The following PKIB variants were observed in gnomAD, a reference collection of about 807,000 sequenced individuals.
PKIB encodes PKI-beta.
PKIB carries 2 observed loss-of-function variants against 4.5 expected under a neutral mutation model. That is an observed-to-expected ratio of 0.44 (90% CI 0.18 to 1.39). PKIB has a LOEUF of 1.39. Among genes scored for constraint, PKIB ranks in the 40% most tolerant of loss-of-function variants. PKIB has a pLI of 0.27. For synonymous variants in PKIB, 38 were observed against 36.0 expected (o/e 1.06, Z -0.20); for missense variants, 94 against 92.6 (o/e 1.02, Z -0.06).
intron 2 of PKIB, among the ~76,000 whole-genome samples, chr6:122,548,597 G>A (rs1003544659): frequency 1.3e-5 from 2 of 152,162 alleles, no homozygotes; most frequent in African/African-American, 4.8e-5. Flanking sequence ...ATACAAAATA[G>A]AGTTAAGCAT....
intron 3 of PKIB, among the ~76,000 whole-genome samples, chr6:122,688,484 A>G (rs1292167559): frequency 6.8e-6 from 1 of 146,246 alleles, no homozygotes; most frequent in Non-Finnish European, 1.5e-5. Context: ...ATTTGACAGT[A>G]TTCTTTTCTT....
At chr6:122,676,332 T>TG (rs1484676531) in intron 3 of PKIB, among the ~76,000 whole-genome samples, 1 of 152,110 alleles carries the variant, frequency 6.6e-6, no homozygotes, top group African/African-American at 2.4e-5. Flanking sequence ...GTGGAGTGGC[T>TG]GTAAATACAG....
At position 122,703,935 on chromosome 6, in the gene PKIB, TATATATAGAGAGAG is replaced by T. The variant is rs755123006; in HGVS notation, c.-8-13850_-8-13837del. Among the ~76,000 whole-genome samples the T allele has an allele frequency of 8.8e-3, 1,135 of 128,554 alleles. 12 individuals are homozygous for T. Among genetic ancestry groups the T allele is most frequent in the African/African-American group, 0.017 (567 of 33,732 alleles). The allele number at this position is 128,554 out of a possible 152,430, so 84.3% of individuals were successfully genotyped here. A position where few individuals can be genotyped will look rare whatever the true frequency, so the allele number is the denominator to read the frequency against. ...ATATATATGTGTGTATATATATATA[TATATATAGAGAGAG>T]AGAGAGAGAGAGAGAGAGAGAGAGA... On this transcript the variant is annotated intron_variant, in intron 3 of 4. Transcript: ENST00000368452.
chr6:122,498,248 C>T (rs1776130488), intron 2 of PKIB, among the ~76,000 whole-genome samples: 1 of 152,184 alleles, frequency 6.6e-6, no homozygotes, highest in Admixed American at 6.5e-5. Flanking sequence ...TACAGCACAC[C>T]TCATATGGTG....
chr6:122,664,015 A>G (rs1329879482), intron 2 of PKIB, among the ~76,000 whole-genome samples: 2 of 152,202 alleles, frequency 1.3e-5, no homozygotes, highest in African/African-American at 4.8e-5. Flanking sequence ...ATTTATTTAC[A>G]TATTCATGAG....
intron 3 of PKIB, among the ~76,000 whole-genome samples, chr6:122,683,155 C>A (rs988782837): frequency 3.9e-5 from 6 of 152,110 alleles, no homozygotes; most frequent in Non-Finnish European, 8.8e-5. Context: ...GAATTCAGAG[C>A]CTGTATTGGG....
intron 2 of PKIB, among the ~76,000 whole-genome samples, chr6:122,559,487 A>G (rs953960588): frequency 1.3e-5 from 2 of 151,714 alleles, no homozygotes; most frequent in Non-Finnish European, 2.9e-5. Flanking sequence ...ATGCCTTCAG[A>G]TTTGGTCTTT....
intron 3 of PKIB, among the ~76,000 whole-genome samples, chr6:122,704,014 G>C (rs892700045): frequency 6.7e-6 from 1 of 149,600 alleles, no homozygotes; most frequent in Non-Finnish European, 1.5e-5. Flanking sequence ...AAGTCCTAAG[G>C]CTTTGGCAAG....
At chr6:122,702,526 G>A (rs1231998695) in intron 3 of PKIB, among the ~76,000 whole-genome samples, 1 of 151,628 alleles carries the variant, frequency 6.6e-6, no homozygotes, top group African/African-American at 2.4e-5. Flanking sequence ...ACAAGTTTTC[G>A]CCATGTTGGT....
At chr6:122,542,479 C>T (rs1226557463) in intron 2 of PKIB, among the ~76,000 whole-genome samples, 5 of 152,174 alleles carry the variant, frequency 3.3e-5, no homozygotes, top group South Asian at 2.1e-4. Context: ...GTATCAGCAG[C>T]GGTGGCTGCA....
intron 1 of PKIB, among the ~76,000 whole-genome samples, chr6:122,625,288 G>A (rs1268228754): frequency 6.6e-6 from 1 of 152,054 alleles, no homozygotes; most frequent in Non-Finnish European, 1.5e-5. Flanking sequence ...GAGGCTTTTA[G>A]TACTTGAATA....
chr6:122,651,726 A>T (rs1314785819), intron 2 of PKIB, among the ~76,000 whole-genome samples: 2 of 152,196 alleles, frequency 1.3e-5, no homozygotes, highest in African/African-American at 2.4e-5. Flanking sequence ...CCCTGTGGTT[A>T]TAGGAGATAA....
intron 2 of PKIB, among the ~76,000 whole-genome samples, chr6:122,565,033 C>T (rs1773144076): frequency 6.6e-6 from 1 of 152,122 alleles, no homozygotes; most frequent in Non-Finnish European, 1.5e-5. Flanking sequence ...TAGTATTAGA[C>T]CTCAATGGCT....
chr6:122,710,835 C>T (rs1352764700), intron 3 of PKIB, among the ~76,000 whole-genome samples: 2 of 151,956 alleles, frequency 1.3e-5, no homozygotes, highest in African/African-American at 4.8e-5. Context: ...GCTCCAGTAC[C>T]TCAATAAAAT....
intron 1 of PKIB, among the ~76,000 whole-genome samples, chr6:122,627,614 C>T (rs975166340): frequency 6.6e-6 from 1 of 152,080 alleles, no homozygotes; most frequent in Admixed American, 6.5e-5. Context: ...TTCTCCCTAC[C>T]CAAATCAACA....
intron 2 of PKIB, among the ~76,000 whole-genome samples, chr6:122,570,150 A>G (rs183586973): frequency 2.0e-5 from 3 of 152,282 alleles, no homozygotes; most frequent in Admixed American, 2.0e-4. Flanking sequence ...TAGAATATCA[A>G]CATTCTTACA....
At chr6:122,535,088 C>T (rs1391150160) in intron 2 of PKIB, among the ~76,000 whole-genome samples, 1 of 152,038 alleles carries the variant, frequency 6.6e-6, no homozygotes, top group African/African-American at 2.4e-5. Context: ...TGTCCTCTCT[C>T]TCTCTTCTCT....
chr6:122,501,258 A>C (rs1776225318), intron 2 of PKIB, among the ~76,000 whole-genome samples: 1 of 152,182 alleles, frequency 6.6e-6, no homozygotes. Flanking sequence ...GTAATATCAA[A>C]ATCAAGTTAG....
intron 3 of PKIB, among the ~76,000 whole-genome samples, chr6:122,602,955 CAAAAAA>C (rs71021410): frequency 5.3e-5 from 4 of 74,884 alleles, no homozygotes; most frequent in East Asian, 3.7e-4. Context: ...GACTGCGTCT[CAAAAAA>C]AAAAAAAAAA....
Sources: allele counts gnomAD v4.1 joint callset (sites outside exome capture counted in the v4.1 genomes callset), GRCh38; gene constraint gnomAD v4.1.1; transcripts MANE v1.5; gene names NCBI Gene and HGNC (gene_info 2026-07-23, HGNC 2026-07-21).